DPP10: variants seen among roughly 807,000 people sequenced by gnomAD.
DPP10 encodes the protein dipeptidyl peptidase like 10.
Under a neutral mutation model 120.9 loss-of-function variants are expected in DPP10, and 33 were observed. The ratio of observed to expected loss-of-function variants is 0.27; its 90% confidence interval spans 0.21 to 0.37. DPP10 has a LOEUF of 0.37. DPP10 is among the 10% of genes least tolerant of loss of function. The pLI is 1.00. For missense variants in DPP10, 816 were observed against 942.8 expected (o/e 0.87, Z 1.76); for synonymous variants, 337 against 326.1 (o/e 1.03, Z -0.36).
rs371877085 is a variant in DPP10 at position 114,596,878 on chromosome 2, ATT to A, written c.60+154042_60+154043del. ...TTCTCTTGCACATTTAAGCCATATTATTTCAATGAAATTCTGCAAATACTTAT... is the reference window on the plus strand; with the variant it reads ...TTCTCTTGCACATTTAAGCCATATTATCAATGAAATTCTGCAAATACTTAT... On this transcript the variant is annotated intron_variant, in intron 1 of 25. Coordinates refer to ENST00000410059, the MANE Select transcript of DPP10 (RefSeq NM_020868.6). Among the ~76,000 whole-genome samples, 31 of 152,144 alleles carry A rather than the reference ATT, an allele frequency of 2.0e-4. No individual in the cohort carries two copies. The East Asian group carries it at 2.3e-3, about 11-fold the overall frequency.
intron 2 of DPP10, among the ~76,000 whole-genome samples, chr2:115,343,511 C>T (rs529269874): frequency 6.6e-6 from 1 of 152,178 alleles, no homozygotes; most frequent in South Asian, 2.1e-4. Context: ...GGTAGAAAAT[C>T]TGCCTTTTTG....
At chr2:115,809,326 A>G (rs1321899645) in intron 19 of DPP10, among the ~76,000 whole-genome samples, 1 of 152,210 alleles carries the variant, frequency 6.6e-6, no homozygotes, top group African/African-American at 2.4e-5. Context: ...CTGCAACTAA[A>G]TCATCATGGA....
intron 7 of DPP10, among the ~76,000 whole-genome samples, chr2:115,703,471 T>C (rs1405625790): frequency 6.6e-6 from 1 of 152,046 alleles, no homozygotes; most frequent in African/African-American, 2.4e-5. Flanking sequence ...GTTTGAAGTC[T>C]ATGGAGCAGA....
chr2:115,690,031 G>A, intron 7 of DPP10, 110 bp downstream of exon 7: 1 of 950,152 alleles, frequency 1.1e-6, no homozygotes, highest in South Asian at 1.7e-5. Flanking sequence ...AAAACTTTAT[G>A]TTTCCCTAAG....
chr2:115,330,939 G>A (rs1247253773), intron 2 of DPP10, among the ~76,000 whole-genome samples: 3 of 152,052 alleles, frequency 2.0e-5, no homozygotes, highest in African/African-American at 7.2e-5. Context: ...GAACTTTAAG[G>A]TAGTTTTTTC....
At chr2:115,442,578 TG>T (rs1282220397) in intron 3 of DPP10, among the ~76,000 whole-genome samples, 2 of 152,160 alleles carry the variant, frequency 1.3e-5, no homozygotes, top group African/African-American at 4.8e-5. Flanking sequence ...GTTGTTTGCC[TG>T]TGAGCATATT....
intron 1 of DPP10, among the ~76,000 whole-genome samples, chr2:114,699,218 A>G (rs1001799683): frequency 6.6e-6 from 1 of 152,180 alleles, no homozygotes; most frequent in African/African-American, 2.4e-5. Flanking sequence ...AGGTACCATG[A>G]AGGCATGGCC....
intron 1 of DPP10, among the ~76,000 whole-genome samples, chr2:115,024,421 T>A (rs903251872): frequency 2.0e-5 from 3 of 151,968 alleles, no homozygotes; most frequent in African/African-American, 7.2e-5. Flanking sequence ...TGATTCCAAT[T>A]TATCTCAATT....
chr2:114,480,666 A>G (rs1448215665), intron 1 of DPP10, among the ~76,000 whole-genome samples: 1 of 134,588 alleles, frequency 7.4e-6, no homozygotes, highest in Non-Finnish European at 1.5e-5. Context: ...AAGAGAACAC[A>G]TGGACACAGG....
Position 115,739,743 on chromosome 2 carries a change from A to C in DPP10, c.702A>C (p.Glu234Asp), listed in dbSNP as rs78880257. ...AATAACACTCATTTATTCTAGAGGA[A>C]CTCCTGCATTCTCACATCGCCCACT... is the stretch of plus-strand genomic sequence containing the variant. Reference protein sequence around the residue: ...NGIADWLYEEELLHSHIAHWW... With the variant: ...NGIADWLYEEDLLHSHIAHWW... The change falls in exon 9 of 26, where the codon GAA (glutamate) becomes GAC (aspartate). Residue 234 changes from glutamate to aspartate, a missense_variant. This residue lies in a region of DPP10 where 42 missense variants were observed against 86.4 expected (regional missense o/e 0.49). Transcript: ENST00000410059. The C allele has an allele frequency of 6.5e-4, 1,047 of 1,613,074 alleles. 5 individuals are homozygous for C. In the African/African-American group the frequency reaches 0.012, roughly 18 times the overall value.
At chr2:114,918,850 G>A (rs910742885) in intron 1 of DPP10, among the ~76,000 whole-genome samples, 1 of 151,882 alleles carries the variant, frequency 6.6e-6, no homozygotes, top group African/African-American at 2.4e-5. Flanking sequence ...AAGTAGTATG[G>A]TCACTACCTG....
chr2:114,593,571 G>T (rs552796460), intron 1 of DPP10, among the ~76,000 whole-genome samples: 1 of 151,914 alleles, frequency 6.6e-6, no homozygotes, highest in African/African-American at 2.4e-5. Flanking sequence ...CATCGCAGTC[G>T]GTCTTTTAAA....
chr2:114,582,611 A>G (rs1690626764), intron 1 of DPP10, among the ~76,000 whole-genome samples: 1 of 152,190 alleles, frequency 6.6e-6, no homozygotes, highest in Non-Finnish European at 1.5e-5. Flanking sequence ...TGGTGTTGTC[A>G]GTGATCTGGA....
intron 5 of DPP10, among the ~76,000 whole-genome samples, chr2:115,630,355 G>T (rs555302813): frequency 3.5e-4 from 53 of 152,242 alleles, no homozygotes; most frequent in African/African-American, 1.2e-3. Context: ...TCTGCAAATA[G>T]AGACAGTTTG....
intron 1 of DPP10, chr2:115,161,702 C>T: frequency 2.6e-6 from 1 of 378,264 alleles, no homozygotes; most frequent in Non-Finnish European, 4.7e-6. Flanking sequence ...CGCCGCGGCT[C>T]GCTGCGCTTT....
chr2:115,826,483 G>A (rs1398440136), intron 21 of DPP10, among the ~76,000 whole-genome samples: 16 of 152,022 alleles, frequency 1.1e-4, no homozygotes, highest in Admixed American at 1.0e-3. Context: ...CACTTTGGGA[G>A]GCCTAGGTGG....
chr2:115,274,500 G>T (rs1433738256), intron 1 of DPP10, among the ~76,000 whole-genome samples: 2 of 151,958 alleles, frequency 1.3e-5, no homozygotes, highest in African/African-American at 2.4e-5. Flanking sequence ...AGATCCTCCA[G>T]AGCTCTGATG....
Position 114,519,709 on chromosome 2 carries a change from A to C in DPP10, c.60+76871A>C, listed in dbSNP as rs144358853. ...TCAAACAACAGCAAATGTTCTTCTC[A>C]GATTCATAGCATGGAGCATCATCCA... On this transcript the variant is annotated intron_variant, in intron 1 of 25. Coordinates refer to ENST00000410059, the MANE Select transcript of DPP10 (RefSeq NM_020868.6). 2.0e-5 allele frequency among the ~76,000 whole-genome samples: 3 copies of C among 152,344 alleles called. No homozygotes were observed. The East Asian group carries it at 5.8e-4, about 29-fold the overall frequency.
intron 1 of DPP10, among the ~76,000 whole-genome samples, chr2:115,175,431 T>G (rs1181102780): frequency 6.6e-6 from 1 of 152,096 alleles, no homozygotes; most frequent in Non-Finnish European, 1.5e-5. Flanking sequence ...GAAATAAACA[T>G]ATGAATGGGA....
Sources: allele counts gnomAD v4.1 joint callset (sites outside exome capture counted in the v4.1 genomes callset), GRCh38; gene constraint gnomAD v4.1.1; regional missense constraint gnomAD v4.1.1; transcripts MANE v1.5; gene names NCBI Gene and HGNC (gene_info 2026-07-23, HGNC 2026-07-21).